Variants in ZNF148 observed in about 807,000 individuals in gnomAD.
ZNF148 encodes zinc finger protein 148, also known as Beta-Enolase Repressor Factor-1.
A neutral mutation model predicts 67.7 loss-of-function variants in ZNF148; 7 were observed. The ratio of observed to expected loss-of-function variants is 0.10; its 90% confidence interval spans 0.06 to 0.19. ZNF148 has a LOEUF of 0.19. Among genes scored for constraint, ZNF148 ranks in the 10% least tolerant of loss-of-function variants. The pLI is 1.00. For missense variants in ZNF148, 583 were observed against 947.1 expected (o/e 0.62, Z 5.05); for synonymous variants, 333 against 330.7 (o/e 1.01, Z -0.08).
At chr3:125,303,625 A>C (rs1457161321) in intron 4 of ZNF148, among the ~76,000 whole-genome samples, 1 of 152,154 alleles carries the variant, frequency 6.6e-6, no homozygotes, top group Non-Finnish European at 1.5e-5. Context: ...CATCACTCCC[A>C]CATGGGATGG....
intron 2 of ZNF148, among the ~76,000 whole-genome samples, chr3:125,324,945 A>G (rs1300119811): frequency 1.3e-5 from 2 of 152,114 alleles, no homozygotes; most frequent in Non-Finnish European, 2.9e-5. Flanking sequence ...GCAAAGTAAA[A>G]TTTATTTTTC....
intron 2 of ZNF148, among the ~76,000 whole-genome samples, chr3:125,324,064 T>C (rs568315034): frequency 6.6e-6 from 1 of 151,976 alleles, no homozygotes; most frequent in South Asian, 2.1e-4. Context: ...CCTAAAAGGT[T>C]AGAAAAAACA....
Position 125,356,512 on chromosome 3 carries a change from T to C in ZNF148, c.-234+18590A>G, listed in dbSNP as rs1427899522. On this transcript the variant is annotated intron_variant, in intron 1 of 8. Coordinates refer to ENST00000360647, the MANE Select transcript of ZNF148 (RefSeq NM_021964.3). ...CAAATATATTTTTAGATTTATTAAA[T>C]CTAAAAATCTGAATAGGATTTTATT... Among the ~76,000 whole-genome samples, 5 of 152,196 alleles carry C rather than the reference T, an allele frequency of 3.3e-5. No individual in the cohort carries two copies. In the East Asian group the frequency reaches 9.6e-4, roughly 29 times the overall value.
intron 7 of ZNF148, among the ~76,000 whole-genome samples, chr3:125,269,192 G>A: frequency 8.4e-6 from 1 of 119,284 alleles, no homozygotes. Flanking sequence ...ACATGGTGAA[G>A]CCCGGTCTCT....
chr3:125,258,641 G>A (rs1398901952), intron 7 of ZNF148, among the ~76,000 whole-genome samples: 1 of 151,936 alleles, frequency 6.6e-6, no homozygotes, highest in Non-Finnish European at 1.5e-5. Flanking sequence ...TTAATCATAT[G>A]TTAAAATATT....
intron 5 of ZNF148, among the ~76,000 whole-genome samples, chr3:125,282,676 A>G (rs185156497): frequency 6.6e-6 from 1 of 152,274 alleles, no homozygotes; most frequent in East Asian, 1.9e-4. Flanking sequence ...CCATTATGAC[A>G]TATTTTCTGT....
chr3:125,356,442 G>C (rs2107770651), intron 1 of ZNF148, among the ~76,000 whole-genome samples: 1 of 152,256 alleles, frequency 6.6e-6, no homozygotes, highest in African/African-American at 2.4e-5. Flanking sequence ...CCAGAAACAA[G>C]CACAGAGAAA....
At chr3:125,277,681 G>A in intron 7 of ZNF148, 45 bp downstream of exon 7, 1 of 1,535,932 alleles carries the variant, frequency 6.5e-7, no homozygotes. Flanking sequence ...CCCTCCATTT[G>A]AAATAATCAT....
intron 4 of ZNF148, among the ~76,000 whole-genome samples, chr3:125,307,921 C>G (rs1469608159): frequency 6.6e-6 from 1 of 151,188 alleles, no homozygotes; most frequent in Admixed American, 6.6e-5. Context: ...CCCTAAAGTG[C>G]TGAGATTACA....
In ZNF148 at chr3:125,289,247, T is replaced by A. The variant is rs1579715229; in HGVS notation, c.334-1019A>T. ...AGCATGGTGCAAAAGATGATGAACA[T>A]CTTACAGATTCAGTGTAAAGGTGGA... On this transcript the variant is annotated intron_variant, in intron 4 of 8. Coordinates refer to ENST00000360647, the MANE Select transcript of ZNF148 (RefSeq NM_021964.3). 2.0e-5 allele frequency among the ~76,000 whole-genome samples: 3 copies of A among 152,280 alleles called. No homozygotes were observed. In the East Asian group the frequency reaches 5.8e-4, roughly 29 times the overall value.
intron 7 of ZNF148, among the ~76,000 whole-genome samples, chr3:125,252,699 C>T (rs1936893870): frequency 6.8e-6 from 1 of 148,108 alleles, no homozygotes; most frequent in Admixed American, 6.8e-5. Context: ...ACCAGGGAGT[C>T]GGAGGTTGCA....
chr3:125,334,871 A>G (rs911121762), intron 1 of ZNF148, among the ~76,000 whole-genome samples: 1 of 152,094 alleles, frequency 6.6e-6, no homozygotes, highest in South Asian at 2.1e-4. Context: ...CTCCAGCAGC[A>G]GTGACCTGAC....
At chr3:125,352,472 T>C (rs1005045357) in intron 1 of ZNF148, among the ~76,000 whole-genome samples, 2 of 152,150 alleles carry the variant, frequency 1.3e-5, no homozygotes, top group African/African-American at 2.4e-5. Flanking sequence ...CTGATGGCTG[T>C]ATGCCTCTGT....
chr3:125,328,790 A>C (rs913945088), intron 2 of ZNF148, among the ~76,000 whole-genome samples: 1 of 152,076 alleles, frequency 6.6e-6, no homozygotes, highest in African/African-American at 2.4e-5. Context: ...AAACTCACTC[A>C]TAAGAAAAGA....
intron 4 of ZNF148, among the ~76,000 whole-genome samples, chr3:125,305,241 C>A (rs2107657310): frequency 1.3e-5 from 2 of 152,136 alleles, no homozygotes; most frequent in East Asian, 1.9e-4. Context: ...ATTATTTGTA[C>A]AATATTCCTG....
At chr3:125,244,618 C>G (rs1936513568) in intron 7 of ZNF148, among the ~76,000 whole-genome samples, 1 of 152,114 alleles carries the variant, frequency 6.6e-6, no homozygotes, top group Non-Finnish European at 1.5e-5. Context: ...CTGCCTCAGC[C>G]TCCTGAGTAG....
At chr3:125,250,790 C>T (rs147048496) in intron 7 of ZNF148, among the ~76,000 whole-genome samples, 94 of 152,244 alleles carry the variant, frequency 6.2e-4, no homozygotes, top group African/African-American at 2.1e-3. Context: ...TTATCTTAAA[C>T]CACAAAATTT....
chr3:125,339,516 T>C (rs932852759), intron 1 of ZNF148, among the ~76,000 whole-genome samples: 2 of 152,220 alleles, frequency 1.3e-5, no homozygotes, highest in Non-Finnish European at 2.9e-5. Flanking sequence ...AGTAAAACAG[T>C]ATGCATCTAT....
chr3:125,331,317 G>A, intron 1 of ZNF148, 79 bp from the exon 2 acceptor site: 1 of 397,340 alleles, frequency 2.5e-6, no homozygotes, highest in Middle Eastern at 6.3e-4. Flanking sequence ...AGGTAAAACT[G>A]TTACATTTAA....
Sources: gnomAD v4.1 joint callset for allele counts (sites outside exome capture counted in the v4.1 genomes callset) on GRCh38, gnomAD v4.1.1 for gene constraint, MANE v1.5 for transcripts, NCBI Gene and HGNC (gene_info 2026-07-23, HGNC 2026-07-21) for gene names.